The following ROBO1 variants were observed in gnomAD, a reference collection of about 807,000 sequenced individuals.
ROBO1 encodes roundabout homolog 1.
ROBO1 carries 149 observed loss-of-function variants against 195.9 expected under a neutral mutation model. The observed-to-expected ratio is 0.76, with a 90% CI of 0.67 to 0.87. The LOEUF (loss-of-function observed/expected upper bound fraction) is 0.87. Ranked by LOEUF, ROBO1 falls within the 40% of genes least tolerant of loss-of-function variation. The pLI is 0.00. For missense variants in ROBO1, 1,933 were observed against 2,068.3 expected (o/e 0.93, Z 1.27); for synonymous variants, 816 against 733.2 (o/e 1.11, Z -1.82).
chr3:79,523,461 CTTT>C (rs11357931), intron 2 of ROBO1, among the ~76,000 whole-genome samples: 1 of 134,822 alleles, frequency 7.4e-6, no homozygotes, highest in Non-Finnish European at 1.6e-5. Flanking sequence ...ATTTTTCTTT[CTTT>C]TTTTTTTCTT....
chr3:78,810,625 T>C (rs555448199), intron 4 of ROBO1, among the ~76,000 whole-genome samples: 1 of 152,194 alleles, frequency 6.6e-6, no homozygotes, highest in Non-Finnish European at 1.5e-5. Flanking sequence ...CTGCTTATAT[T>C]GATGTACATT....
chr3:79,615,803 A>G (rs1944800619), intron 1 of ROBO1, among the ~76,000 whole-genome samples: 1 of 152,194 alleles, frequency 6.6e-6, no homozygotes, highest in Non-Finnish European at 1.5e-5. Flanking sequence ...GGAATGGGCA[A>G]TATTTGCACA....
intron 2 of ROBO1, among the ~76,000 whole-genome samples, chr3:79,280,564 A>G (rs1049068276): frequency 2.0e-5 from 3 of 152,172 alleles, no homozygotes; most frequent in Admixed American, 2.0e-4. Context: ...AGTTTCTTGT[A>G]CCTTAACATT....
intron 1 of ROBO1, among the ~76,000 whole-genome samples, chr3:79,757,102 T>C (rs1704448566): frequency 6.6e-6 from 1 of 152,192 alleles, no homozygotes; most frequent in African/African-American, 2.4e-5. Context: ...TTGGCTATTG[T>C]GAATAAGGAT....
At chr3:79,079,918 G>A (rs1233050280) in intron 3 of ROBO1, among the ~76,000 whole-genome samples, 1 of 151,580 alleles carries the variant, frequency 6.6e-6, no homozygotes, top group African/African-American at 2.4e-5. Context: ...AAATAAAAAT[G>A]AACACTTGAA....
At chr3:79,074,970 T>G (rs2079147777) in intron 3 of ROBO1, among the ~76,000 whole-genome samples, 1 of 151,902 alleles carries the variant, frequency 6.6e-6, no homozygotes, top group African/African-American at 2.4e-5. Flanking sequence ...ACAGAAACCT[T>G]TAATTGTGAA....
At chr3:78,680,394 C>A (rs2080868176) in intron 10 of ROBO1, among the ~76,000 whole-genome samples, 1 of 152,002 alleles carries the variant, frequency 6.6e-6, no homozygotes, top group African/African-American at 2.4e-5. Context: ...AGTGAACAGG[C>A]AACCTACAAA....
At chr3:79,174,484 G>A (rs758232837) in intron 2 of ROBO1, among the ~76,000 whole-genome samples, 2 of 152,176 alleles carry the variant, frequency 1.3e-5, no homozygotes, top group South Asian at 2.1e-4. Flanking sequence ...GGTCTGCAGC[G>A]TCATTCTTGA....
rs180840309 is a variant in ROBO1 at position 79,468,361 on chromosome 3, G to C, written c.88+121463C>G. Among the ~76,000 whole-genome samples, 60 of 152,206 alleles carry C rather than the reference G, an allele frequency of 3.9e-4. No individual in the cohort carries two copies. In the East Asian group the frequency reaches 9.3e-3, roughly 24 times the overall value. ...ATAATTATCCATATTCTACACATGAGGATACTGAGGCACAGGGAAGTTAAG... is the reference window on the plus strand; with the variant it reads ...ATAATTATCCATATTCTACACATGACGATACTGAGGCACAGGGAAGTTAAG... On this transcript the variant is annotated intron_variant, in intron 2 of 30. Transcript: ENST00000464233.
chr3:79,544,858 T>C (rs1328010382), intron 2 of ROBO1, among the ~76,000 whole-genome samples: 1 of 152,116 alleles, frequency 6.6e-6, no homozygotes, highest in Non-Finnish European at 1.5e-5. Flanking sequence ...AATTGTATTG[T>C]TATTTGACAT....
intron 2 of ROBO1, among the ~76,000 whole-genome samples, chr3:79,360,565 GTGA>G (rs932526250): frequency 1.1e-4 from 17 of 151,978 alleles, no homozygotes; most frequent in African/African-American, 3.6e-4. Context: ...ATTGATGATG[GTGA>G]TGATGATGAA....
intron 2 of ROBO1, among the ~76,000 whole-genome samples, chr3:79,178,452 C>T (rs142668225): frequency 5.3e-5 from 8 of 152,092 alleles, no homozygotes; most frequent in African/African-American, 1.7e-4. Context: ...GATTAACATG[C>T]TTATTTTAGG....
chr3:78,899,177 T>A (rs968329448), intron 4 of ROBO1, among the ~76,000 whole-genome samples: 3 of 152,190 alleles, frequency 2.0e-5, no homozygotes, highest in African/African-American at 7.2e-5. Context: ...CCACTTTTTT[T>A]GAAAGATAAA....
intron 14 of ROBO1, among the ~76,000 whole-genome samples, chr3:78,666,762 T>G (rs1164398663): frequency 6.6e-6 from 1 of 152,218 alleles, no homozygotes; most frequent in Admixed American, 6.5e-5. Context: ...TTTCTGTACA[T>G]ACTTGAAGTA....
At chr3:78,932,802 A>T (rs2039602671) in intron 4 of ROBO1, among the ~76,000 whole-genome samples, 1 of 152,214 alleles carries the variant, frequency 6.6e-6, no homozygotes. Flanking sequence ...GGATAGCAGG[A>T]TTGCAAATGC....
chr3:78,880,980 C>T (rs920040417), intron 4 of ROBO1, among the ~76,000 whole-genome samples: 1 of 152,144 alleles, frequency 6.6e-6, no homozygotes, highest in South Asian at 2.1e-4. Flanking sequence ...AGTGGTCAGA[C>T]CCTGATAGTT....
At chr3:78,982,663 C>T (rs2077022362) in intron 3 of ROBO1, among the ~76,000 whole-genome samples, 1 of 152,104 alleles carries the variant, frequency 6.6e-6, no homozygotes, top group South Asian at 2.1e-4. Context: ...GAGTCTCACT[C>T]TGTTGCCCAG....
At chr3:78,990,330 G>A (rs2077208147) in intron 3 of ROBO1, among the ~76,000 whole-genome samples, 1 of 152,114 alleles carries the variant, frequency 6.6e-6, no homozygotes, top group South Asian at 2.1e-4. Context: ...TTAAACAGGA[G>A]AGCTGTGGAG....
At chr3:78,599,695 G>A (rs1575752028) in intron 30 of ROBO1, among the ~76,000 whole-genome samples, 1 of 152,094 alleles carries the variant, frequency 6.6e-6, no homozygotes, top group South Asian at 2.1e-4. Context: ...AGGACAGTTA[G>A]CCAAACCAGC....
Sources: gnomAD v4.1 joint callset for allele counts (sites outside exome capture counted in the v4.1 genomes callset) on GRCh38, gnomAD v4.1.1 for gene constraint, MANE v1.5 for transcripts, NCBI Gene and HGNC (gene_info 2026-07-23, HGNC 2026-07-21) for gene names.